Variants in CUX2 observed in about 807,000 individuals in gnomAD.
The protein encoded by CUX2 is homeobox protein cut-like 2.
CUX2 carries 40 observed loss-of-function variants against 144.8 expected under a neutral mutation model. The observed-to-expected ratio is 0.28, with a 90% CI of 0.21 to 0.36. CUX2 has a LOEUF of 0.36. CUX2 is among the 10% of genes least tolerant of loss of function. The pLI is 1.00. For synonymous variants in CUX2, 827 were observed against 875.6 expected (o/e 0.94, Z 0.98); for missense variants, 1,615 against 1,994.0 (o/e 0.81, Z 3.62).
At chr12:111,146,381 C>T (rs2136129964) in intron 1 of CUX2, among the ~76,000 whole-genome samples, 1 of 152,324 alleles carries the variant, frequency 6.6e-6, no homozygotes, top group African/African-American at 2.4e-5. Flanking sequence ...ACCCACTGAT[C>T]ATTTTACTGC....
At position 111,276,285 on chromosome 12, in the gene CUX2, T is replaced by G. The variant is rs1011126734; in HGVS notation, c.301+12446T>G. ...GGGAGGATCACATGAGCCCAAGGGGTCGAGGCTGCAGTGAGCTGCCAGGAT... is the reference window on the plus strand; with the variant it reads ...GGGAGGATCACATGAGCCCAAGGGGGCGAGGCTGCAGTGAGCTGCCAGGAT... On this transcript the variant is annotated intron_variant, in intron 4 of 21. Coordinates refer to ENST00000261726, the MANE Select transcript of CUX2 (RefSeq NM_015267.4). 1.4e-4 allele frequency among the ~76,000 whole-genome samples: 21 copies of G among 152,050 alleles called. 1 individual carries two copies.
chr12:111,334,646 C>A lies in CUX2; in HGVS notation c.3132C>A (p.Ser1044=). The A allele has an allele frequency of 1.2e-6, 2 of 1,613,956 alleles. No individual in the cohort carries two copies. The highest frequency in any genetic ancestry group is 1.7e-6 in the Non-Finnish European group (2 of 1,179,996). Residue 1044 remains serine, a synonymous_variant, in exon 19 of 22, where the codon TCC becomes TCA. Transcript: ENST00000261726. ...GCATCCAGGAGATCGTGGCCATGTC[C>A]CCCGAGCTGGACACGTACTCCATCA... The part of the protein sequence containing the change: ...PGGIQEIVAM[S]PELDTYSITK...
At chr12:111,162,238 C>T (rs1041313517) in intron 1 of CUX2, among the ~76,000 whole-genome samples, 1 of 152,214 alleles carries the variant, frequency 6.6e-6, no homozygotes, top group Non-Finnish European at 1.5e-5. Context: ...CTGCCTTCCT[C>T]CACTGGAAGT....
chr12:111,266,488 A>G (rs891436977), intron 4 of CUX2, among the ~76,000 whole-genome samples: 37 of 151,956 alleles, frequency 2.4e-4, no homozygotes, highest in Middle Eastern at 6.8e-3. Context: ...AAAAAAAAAA[A>G]AGAGACGAGG....
intron 8 of CUX2, among the ~76,000 whole-genome samples, chr12:111,297,867 A>G (rs1268799032): frequency 6.6e-6 from 1 of 152,094 alleles, no homozygotes; most frequent in Non-Finnish European, 1.5e-5. Context: ...AGAACTGGGG[A>G]TGGGAAAAGA....
At chr12:111,242,910 G>A (rs1219957979) in intron 3 of CUX2, among the ~76,000 whole-genome samples, 4 of 152,124 alleles carry the variant, frequency 2.6e-5, no homozygotes, top group Non-Finnish European at 5.9e-5. Flanking sequence ...GTGTCCATGT[G>A]TTCTCATTGT....
intron 1 of CUX2, among the ~76,000 whole-genome samples, chr12:111,083,557 G>C (rs1051798720): frequency 1.6e-4 from 24 of 152,120 alleles, no homozygotes; most frequent in Non-Finnish European, 3.5e-4. Context: ...GTGTTGCTGA[G>C]TGAATGAATG....
At chr12:111,162,615 A>G (rs73415910) in intron 1 of CUX2, among the ~76,000 whole-genome samples, 9,272 of 152,232 alleles carry the variant, frequency 0.061, 952 homozygotes, top group African/African-American at 0.21. Context: ...CTCTGTGGGT[A>G]ATTGACTACT....
chr12:111,091,722 C>T (rs1252947311), intron 1 of CUX2, among the ~76,000 whole-genome samples: 1 of 152,220 alleles, frequency 6.6e-6, no homozygotes, highest in African/African-American at 2.4e-5. Flanking sequence ...AAGGTGTCTG[C>T]AGGGCTGTGC....
intron 1 of CUX2, among the ~76,000 whole-genome samples, chr12:111,175,048 G>A (rs1456264747): frequency 1.3e-5 from 2 of 152,146 alleles, no homozygotes; most frequent in Non-Finnish European, 2.9e-5. Flanking sequence ...AGAGGGGGCC[G>A]TACAGGGATG....
At position 111,307,796 on chromosome 12, in the gene CUX2, G is replaced by A. The variant is rs563273090; in HGVS notation, c.1110-489G>A. Among the ~76,000 whole-genome samples the A allele has an allele frequency of 1.7e-3, 266 of 152,168 alleles. No individual in the cohort carries two copies. The highest frequency in any genetic ancestry group is 3.2e-3 in the Non-Finnish European group (221 of 68,022). On this transcript the variant is annotated intron_variant, in intron 12 of 21. Coordinates refer to ENST00000261726, the MANE Select transcript of CUX2 (RefSeq NM_015267.4). This position sits in a 1 kb window ranked among gnomAD's most constrained non-coding sequence, Gnocchi z 4.1. The stretch of plus-strand genomic sequence containing the variant: ...TCAGGAGTTCAAAACCAGCCTGGCC[G>A]AAAGGGCAAAACCCTGTCTCTACTA...
At chr12:111,323,065 G>A (rs1887611823) in intron 18 of CUX2, among the ~76,000 whole-genome samples, 1 of 152,228 alleles carries the variant, frequency 6.6e-6, no homozygotes, top group Non-Finnish European at 1.5e-5. Flanking sequence ...GAGGCTCAGA[G>A]GGATGCCCAA....
chr12:111,273,589 G>A (rs1264744253), intron 4 of CUX2, among the ~76,000 whole-genome samples: 1 of 152,196 alleles, frequency 6.6e-6, no homozygotes, highest in Non-Finnish European at 1.5e-5. Flanking sequence ...AAAGTTCCAG[G>A]CTGGAAGGAT....
intron 1 of CUX2, among the ~76,000 whole-genome samples, chr12:111,176,662 T>A (rs535902340): frequency 8.8e-4 from 134 of 152,268 alleles, no homozygotes; most frequent in Non-Finnish European, 1.5e-3. Flanking sequence ...GGCTCTATTT[T>A]CCCTCCACAG....
At chr12:111,338,825 A>G (rs1005210548) in intron 20 of CUX2, among the ~76,000 whole-genome samples, 9 of 152,024 alleles carry the variant, frequency 5.9e-5, no homozygotes, top group African/African-American at 1.4e-4. Flanking sequence ...CAAGGCTGCA[A>G]TGTGCTATGA....
In CUX2 at chr12:111,347,768, C is replaced by G; in HGVS notation, c.3904C>G (p.Gln1302Glu). Reference protein sequence around the residue: ...DKAQVRIKQEQMEEDAEEEAG... With the variant: ...DKAQVRIKQEEMEEDAEEEAG... Reference sequence around the variant, plus strand: ...GGCCCAAGTGAGGATCAAGCAGGAACAGATGGAGGAGGATGCTGAGGAAGA... The same window carrying G: ...GGCCCAAGTGAGGATCAAGCAGGAAGAGATGGAGGAGGATGCTGAGGAAGA... The change falls in exon 22 of 22, where the codon CAG becomes GAG. Residue 1302 changes from glutamine to glutamate, a missense_variant. Transcript: ENST00000261726. 6.2e-7 allele frequency: 1 copy of G among 1,613,852 alleles called. No individual in the cohort carries two copies. The highest frequency in any genetic ancestry group is 1.1e-5 in the South Asian group (1 of 91,064).
intron 1 of CUX2, among the ~76,000 whole-genome samples, chr12:111,133,276 C>G (rs550370069): frequency 2.8e-4 from 42 of 152,230 alleles, no homozygotes; most frequent in African/African-American, 1.0e-3. Flanking sequence ...AGCAACACCC[C>G]ACTCTACTGG....
chr12:111,302,758 G>C (rs951207060), intron 9 of CUX2, among the ~76,000 whole-genome samples: 1 of 151,974 alleles, frequency 6.6e-6, no homozygotes, highest in East Asian at 1.9e-4. Context: ...AAAGTAGACA[G>C]ACCTGGCATC....
At chr12:111,330,686 C>CAT (rs57018141) in intron 18 of CUX2, among the ~76,000 whole-genome samples, 19 of 59,312 alleles carry the variant, frequency 3.2e-4, no homozygotes, top group Non-Finnish European at 5.4e-4. Flanking sequence ...AATACATATA[C>CAT]ATATATATAT....
Sources: allele counts gnomAD v4.1 joint callset (sites outside exome capture counted in the v4.1 genomes callset), GRCh38; gene constraint gnomAD v4.1.1; non-coding constraint Gnocchi (gnomAD v3.1); transcripts MANE v1.5; gene names NCBI Gene and HGNC (gene_info 2026-07-23, HGNC 2026-07-21).